The following TNS4 variants were observed in gnomAD, a reference collection of about 807,000 sequenced individuals.
The protein encoded by TNS4 is tensin-4.
TNS4 carries 46 observed loss-of-function variants against 70.4 expected under a neutral mutation model. The ratio of observed to expected loss-of-function variants is 0.65; its 90% CI spans 0.52 to 0.84. The LOEUF is 0.84. TNS4 is among the 40% of genes least tolerant of loss of function. The pLI is 0.00. For missense variants in TNS4, 863 were observed against 907.0 expected, an observed-to-expected ratio of 0.95 and a Z score of 0.62; for synonymous variants, 390 against 366.6, an observed-to-expected ratio of 1.06 and a Z score of -0.73.
intron 10 of TNS4, 139 bp from the exon 11 acceptor site, chr17:40,478,787 G>A: frequency 1.1e-6 from 1 of 915,540 alleles, no homozygotes; most frequent in Non-Finnish European, 1.7e-6. Flanking sequence ...AGACCGCTAT[G>A]GCCTTTCCCA....
intron 4 of TNS4, among the ~76,000 whole-genome samples, chr17:40,486,405 C>T (rs370334314): frequency 9.2e-5 from 14 of 152,136 alleles, no homozygotes; most frequent in Non-Finnish European, 2.9e-5. Context: ...ACTGCCCTAT[C>T]CCGGTTCAGG....
chr17:40,496,258 G>C lies in TNS4; in HGVS notation c.168C>G (p.Pro56=), dbSNP rs78105326. 4.4e-6 allele frequency: 7 copies of C among 1,603,986 alleles called. No individual in the cohort carries two copies. The African/African-American group carries it at 5.4e-5, about 12-fold the overall frequency. Residue 56 remains proline, a synonymous_variant, in exon 2 of 13, where the codon CCC becomes CCG. Coordinates refer to ENST00000254051, the MANE Select transcript of TNS4 (RefSeq NM_032865.6). Reference sequence around the variant, plus strand: ...GGCCAGGGGGCCCCATGCAGGGCACGGGGGCCATCAGGGCCTGGGCTCCCC... The same window carrying C: ...GGCCAGGGGGCCCCATGCAGGGCACCGGGGCCATCAGGGCCTGGGCTCCCC... The part of the protein sequence containing the change: ...EGWGAQALMA[P]VPCMGPPGRL...
rs777981491 is a variant in TNS4 at position 40,487,376 on chromosome 17, G to T, written c.948C>A (p.Ser316Arg). 3 of 1,614,072 alleles carry T rather than the reference G, an allele frequency of 1.9e-6. No individual in the cohort carries two copies. Among genetic ancestry groups the T allele is most frequent in the South Asian group, 1.1e-5 (1 of 91,084 alleles). ...GGGACACTGAGCCAAGGCTGTGGAG[G>T]CTGGAGGAAGAGTTGGCTGGACTTT... ...SLESPANSSSSLHSLGSVSLC... is the reference protein window; with the variant it reads ...SLESPANSSSRLHSLGSVSLC... Residue 316 changes from serine (S) to arginine (R), a missense_variant, in exon 4 of 13, where the codon AGC becomes AGA. Physicochemically the swap from Ser to Arg is moderately radical, Grantham distance 110. Coordinates refer to ENST00000254051, the MANE Select transcript of TNS4 (RefSeq NM_032865.6).
rs758476792 is a variant in TNS4 at position 40,482,332 on chromosome 17, G to A, written c.1586C>T (p.Pro529Leu). The change falls in exon 7 of 13, where the codon CCC (proline) becomes CTC (leucine). Residue 529 changes from proline (P) to leucine (L), a missense_variant. Pro to Leu is a moderately conservative substitution (Grantham distance 98, BLOSUM62 -3). Transcript: ENST00000254051. ...GVHLKGADEEPYFGSLSAFVC... is the reference protein window; with the variant it reads ...GVHLKGADEELYFGSLSAFVC... ...AGGCTGGGGAGTCTCACCAAAGTAGGGCTCCTCATCTGCTCCTTTGAGATG... is the reference window on the plus strand; with the variant it reads ...AGGCTGGGGAGTCTCACCAAAGTAGAGCTCCTCATCTGCTCCTTTGAGATG... 2 of 1,614,122 alleles carry A rather than the reference G, an allele frequency of 1.2e-6. No homozygotes were observed. The highest frequency in any genetic ancestry group is 1.7e-6 in the Non-Finnish European group (2 of 1,180,018).
At chr17:40,478,238 T>C in intron 12 of TNS4, 69 bp downstream of exon 12, 2 of 1,590,988 alleles carry the variant, frequency 1.3e-6, no homozygotes, top group Admixed American at 3.3e-5. Context: ...AAAGTCAGAA[T>C]GGTGCCTCTT....
intron 2 of TNS4, among the ~76,000 whole-genome samples, chr17:40,494,681 G>A (rs888716275): frequency 3.3e-5 from 5 of 150,216 alleles, no homozygotes; most frequent in Admixed American, 6.6e-5. Flanking sequence ...GCAGTGAGCC[G>A]AGATCGTGCT....
intron 2 of TNS4, 118 bp downstream of exon 2, chr17:40,495,869 G>A (rs1177598170): frequency 1.7e-6 from 2 of 1,148,544 alleles, no homozygotes; most frequent in Non-Finnish European, 1.2e-6. Context: ...AACTTGGTTA[G>A]GTTTGCACAG....
At chr17:40,481,991 A>C (rs2035926937) in intron 8 of TNS4, 138 bp downstream of exon 8, 1 of 906,626 alleles carries the variant, frequency 1.1e-6, no homozygotes, top group Admixed American at 2.7e-5. Context: ...GGAGGTGGAG[A>C]TGTTGAGCGA....
chr17:40,487,266 A>C lies in TNS4; in HGVS notation c.1058T>G (p.Leu353Arg). Reference sequence around the variant, plus strand: ...GCAGCTGCTGGCATGTTCTTTGGCCAGTGGTGGAGAGTGGGGTGTTCTGGG... The same window carrying C: ...GCAGCTGCTGGCATGTTCTTTGGCCCGTGGTGGAGAGTGGGGTGTTCTGGG... ...GQPRTPHSPP[L>R]AKEHASSCPP... Residue 353 changes from leucine to arginine, a missense_variant, in exon 4 of 13, where the codon CTG (leucine) becomes CGG (arginine). Physicochemically the swap from Leu to Arg is moderately radical, Grantham distance 102 (BLOSUM62 -2). Transcript: ENST00000254051. 1 of 1,614,118 alleles carries C rather than the reference A, an allele frequency of 6.2e-7. No homozygotes were observed. Among genetic ancestry groups the C allele is most frequent in the Non-Finnish European group, 8.5e-7 (1 of 1,180,020 alleles).
At chr17:40,499,957 C>T (rs1364054534) in intron 1 of TNS4, among the ~76,000 whole-genome samples, 1 of 152,242 alleles carries the variant, frequency 6.6e-6, no homozygotes, top group Non-Finnish European at 1.5e-5. Context: ...GGGCAAGCGT[C>T]CTTTCCTCTC....
At position 40,495,992 on chromosome 17, in the gene TNS4, G is replaced by T. The variant is rs770474084; in HGVS notation, c.434C>A (p.Ala145Asp). 6.2e-7 allele frequency: 1 copy of T among 1,608,380 alleles called. No homozygotes were observed. Among genetic ancestry groups the T allele is most frequent in the Non-Finnish European group, 8.5e-7 (1 of 1,177,772 alleles). The change falls in exon 2 of 13, where the codon GCC becomes GAC. Residue 145 changes from alanine (A) to aspartate (D), a missense_variant. By Grantham distance (126) the Ala-to-Asp change is moderately radical. Transcript: ENST00000254051. ...MSMRKKEESE[A>D]LDIKYIEVTS... is the part of the protein sequence containing the mutation. ...ACTGTGCCCCAAATCCTTACCCAAG[G>T]CTTCAGATTCCTCCTTCTTTCTCAT...
In TNS4 at chr17:40,477,235, A is replaced by T; in HGVS notation, c.*353T>A. The stretch of plus-strand genomic sequence containing the variant: ...TCAGACTGTTGTGTGGGCAGGGCCC[A>T]GGTCGATGGGGTCAGAGGGTCCTTG... On this transcript the variant is annotated 3_prime_UTR_variant, in exon 13 of 13. Coordinates refer to ENST00000254051, the MANE Select transcript of TNS4 (RefSeq NM_032865.6). 1 of 189,450 alleles carries T rather than the reference A, an allele frequency of 5.3e-6. No individual in the cohort carries two copies. The highest frequency in any genetic ancestry group is 1.1e-5 in the Non-Finnish European group (1 of 92,110). 11.7% of individuals were successfully genotyped at this position (189,450 alleles called of 1,614,324 possible). A position where few individuals can be genotyped will look rare whatever the true frequency, so the allele number is the denominator to read the frequency against.
In TNS4 at chr17:40,487,580, T is replaced by C. The variant is rs138382617; in HGVS notation, c.864-120A>G. The C allele has an allele frequency of 4.6e-4, 468 of 1,012,916 alleles. No individual in the cohort carries two copies. In the African/African-American group the frequency reaches 6.8e-3, roughly 15 times the overall value. The allele number at this position is 1,012,916 out of a possible 1,614,324, so 62.7% of individuals were successfully genotyped here. On this transcript the variant is annotated intron_variant, in intron 3 of 12. Coordinates refer to ENST00000254051, the MANE Select transcript of TNS4 (RefSeq NM_032865.6). ...TTTAAAGGCCAAATAGAACACTGCA[T>C]ACCCCACCCCCTACAGCCCACAGCA...
intron 8 of TNS4, 121 bp from the exon 9 acceptor site, chr17:40,480,889 G>C: frequency 8.8e-7 from 1 of 1,142,776 alleles, no homozygotes; most frequent in East Asian, 2.9e-5. Context: ...CCCATCTCCA[G>C]GAAGTGACTC....
intron 6 of TNS4, among the ~76,000 whole-genome samples, chr17:40,483,887 T>G (rs2035958564): frequency 1.3e-5 from 2 of 152,220 alleles, no homozygotes; most frequent in Admixed American, 6.5e-5. Context: ...GTGAGGCCTA[T>G]GACCCAGGTA....
In TNS4 at chr17:40,484,140, TCA is replaced by T. The variant is rs373258480; in HGVS notation, c.1501+342_1501+343del. 9.8e-4 allele frequency among the ~76,000 whole-genome samples: 149 copies of T among 152,284 alleles called. No individual in the cohort carries two copies. In the South Asian group the frequency reaches 0.03, roughly 31 times the overall value. ...TGAGATAAGCTAGCTGCGTGTGTAA[TCA>T]CACATTAGGTTCCCTGGAAATGAAT... On this transcript the variant is annotated intron_variant, in intron 6 of 12. Transcript: ENST00000254051.
chr17:40,490,013 G>T (rs1006132956), intron 2 of TNS4, among the ~76,000 whole-genome samples: 1 of 152,150 alleles, frequency 6.6e-6, no homozygotes, highest in Non-Finnish European at 1.5e-5. Flanking sequence ...CATCACCTGG[G>T]CTCCACCCCT....
rs770419463 is a variant in TNS4 at position 40,484,553 on chromosome 17, A to G, written c.1432T>C (p.Ser478Pro). 3.5e-5 allele frequency: 57 copies of G among 1,612,774 alleles called. No homozygotes were observed. The highest frequency in any genetic ancestry group is 4.7e-5 in the Non-Finnish European group (55 of 1,179,968). The change falls in exon 6 of 13, where the codon TCA becomes CCA. Residue 478 changes from serine (S) to proline (P), a missense_variant. Physicochemically the swap from Ser to Pro is moderately conservative, Grantham distance 74 (BLOSUM62 -1). Transcript: ENST00000254051. The part of the protein sequence containing the change: ...PGAFVIRDSS[S>P]YRGSFGLALK... ...GCCAGGCCGAAGGAGCCTCGGTATG[A>G]AGAGCTGTCCCTTATGACAAAAGCC...
chr17:40,479,166 GA>G (rs1185552328), intron 10 of TNS4, among the ~76,000 whole-genome samples: 3 of 151,852 alleles, frequency 2.0e-5, no homozygotes, highest in Non-Finnish European at 4.4e-5. Context: ...TTCCTTTTTT[GA>G]GATGGAGTTT....
Sources: gnomAD v4.1 joint callset for allele counts (sites outside exome capture counted in the v4.1 genomes callset) on GRCh38, gnomAD v4.1.1 for gene constraint, MANE v1.5 for transcripts, NCBI Gene and HGNC (gene_info 2026-07-23, HGNC 2026-07-21) for gene names.